The following NAA16 variants were observed in gnomAD, a reference collection of about 807,000 sequenced individuals.
The protein encoded by NAA16 is NARG1-like protein.
A neutral mutation model predicts 110.3 loss-of-function variants in NAA16; 97 were observed. The observed-to-expected ratio is 0.88, with a 90% confidence interval of 0.75 to 1.04. The LOEUF is 1.04. Ranked by LOEUF, NAA16 falls within the 50% of genes least tolerant of loss-of-function variation. NAA16 has a pLI of 0.00. For missense variants in NAA16, 1,017 were observed against 1,005.1 expected, an observed-to-expected ratio of 1.01 and a Z score of -0.16; for synonymous variants, 372 against 330.6, an observed-to-expected ratio of 1.13 and a Z score of -1.36.
chr13:41,313,024 TATC>T (rs1168301652), intron 1 of NAA16, among the ~76,000 whole-genome samples: 1 of 152,150 alleles, frequency 6.6e-6, no homozygotes, highest in Non-Finnish European at 1.5e-5. Flanking sequence ...TTAATGATAA[TATC>T]ATTTATAAAT....
At chr13:41,351,782 C>A (rs1445908992) in intron 9 of NAA16, among the ~76,000 whole-genome samples, 3 of 151,670 alleles carry the variant, frequency 2.0e-5, no homozygotes, top group Non-Finnish European at 4.4e-5. Context: ...AAATGTGGGG[C>A]CATAAAATTT....
chr13:41,356,203 G>A (rs1318171709), intron 10 of NAA16, among the ~76,000 whole-genome samples: 1 of 152,048 alleles, frequency 6.6e-6, no homozygotes, highest in Non-Finnish European at 1.5e-5. Flanking sequence ...GTTTGGGGGA[G>A]GTTTCTAGAG....
At chr13:41,328,703 T>C (rs1198941820) in intron 6 of NAA16, 21 bp from the exon 7 acceptor site, 2 of 1,582,068 alleles carry the variant, frequency 1.3e-6, no homozygotes, top group Admixed American at 1.7e-5. Context: ...AAAATGAATA[T>C]GTCTTTAAAC....
intron 15 of NAA16, among the ~76,000 whole-genome samples, chr13:41,371,177 C>T (rs1369200212): frequency 6.6e-6 from 1 of 152,176 alleles, no homozygotes; most frequent in Admixed American, 6.6e-5. Flanking sequence ...ATGAGTGCTT[C>T]CAAACCATTG....
intron 8 of NAA16, among the ~76,000 whole-genome samples, chr13:41,335,638 A>T (rs1217632754): frequency 6.6e-6 from 1 of 152,176 alleles, no homozygotes; most frequent in Non-Finnish European, 1.5e-5. Context: ...GAGATTAGAG[A>T]TTATCTGAAT....
intron 1 of NAA16, among the ~76,000 whole-genome samples, chr13:41,312,611 G>A (rs1419342892): frequency 6.6e-6 from 1 of 152,150 alleles, no homozygotes; most frequent in Non-Finnish European, 1.5e-5. Flanking sequence ...TGAATTTATT[G>A]AAAGCTGGGT....
At chr13:41,354,054 A>AT (rs1017118972) in intron 9 of NAA16, among the ~76,000 whole-genome samples, 3 of 152,172 alleles carry the variant, frequency 2.0e-5, no homozygotes, top group African/African-American at 7.2e-5. Context: ...GTATGTGTAA[A>AT]TTTTTTTCAC....
intron 9 of NAA16, among the ~76,000 whole-genome samples, chr13:41,338,290 C>G (rs2042437215): frequency 6.6e-6 from 1 of 152,182 alleles, no homozygotes; most frequent in African/African-American, 2.4e-5. Context: ...TTCTCTTAAG[C>G]TATCACGGGG....
At position 41,349,100 on chromosome 13, in the gene NAA16, CTATT is replaced by C. The variant is rs572638882; in HGVS notation, c.1015-6042_1015-6039del. ...TTTTGGGTTTGTTGACTTTCCTCCT[CTATT>C]TCATTAATTTTCACTTTATTGTGTC... On this transcript the variant is annotated intron_variant, in intron 9 of 19. Transcript: ENST00000379406. Among the ~76,000 whole-genome samples the C allele has an allele frequency of 1.3e-3, 193 of 152,202 alleles. 1 individual carries two copies. The highest frequency in any genetic ancestry group is 4.4e-3 in the African/African-American group (183 of 41,542).
chr13:41,341,532 A>G (rs543510191), intron 9 of NAA16, among the ~76,000 whole-genome samples: 378 of 151,862 alleles, frequency 2.5e-3, no homozygotes, highest in Non-Finnish European at 4.3e-3. Context: ...GCCTGGCAAC[A>G]TAACAGGACT....
chr13:41,341,082 C>T (rs769371998), intron 9 of NAA16, among the ~76,000 whole-genome samples: 2 of 151,992 alleles, frequency 1.3e-5, no homozygotes, highest in Non-Finnish European at 2.9e-5. Flanking sequence ...TCCAGTTATG[C>T]GGTCAATTTT....
chr13:41,371,469 C>T (rs1187264909), intron 15 of NAA16, among the ~76,000 whole-genome samples: 1 of 152,166 alleles, frequency 6.6e-6, no homozygotes, highest in Non-Finnish European at 1.5e-5. Flanking sequence ...TCACCCCTGC[C>T]ATCCTTGAGG....
chr13:41,325,780 A>C lies in NAA16; in HGVS notation c.620A>C (p.Gln207Pro). ...NQVMREADLL[Q>P]ESLEHIEMYE... Reference sequence around the variant, plus strand: ...GTGATGAGAGAGGCAGATCTGTTGCAGGAATCTTTGGAACATATAGAAATG... The same window carrying C: ...GTGATGAGAGAGGCAGATCTGTTGCCGGAATCTTTGGAACATATAGAAATG... Residue 207 changes from glutamine (Q) to proline (P), a missense_variant, in exon 6 of 20, where the codon CAG becomes CCG. Transcript: ENST00000379406. 6.2e-7 allele frequency: 1 copy of C among 1,608,486 alleles called. No individual in the cohort carries two copies. Among genetic ancestry groups the C allele is most frequent in the South Asian group, 1.1e-5 (1 of 90,684 alleles).
Position 41,311,478 on chromosome 13 carries a change from G to C in NAA16, c.-51G>C. The C allele has an allele frequency of 6.5e-7, 1 of 1,548,432 alleles. No homozygotes were observed. The highest frequency in any genetic ancestry group is 8.8e-7 in the Non-Finnish European group (1 of 1,142,840). Reference sequence around the variant, plus strand: ...GGTGCCCACCCCCGCGAAGCGGAGCGCCCGGGCACCTAGCCTCCCTGCCGG... The same window carrying C: ...GGTGCCCACCCCCGCGAAGCGGAGCCCCCGGGCACCTAGCCTCCCTGCCGG... On this transcript the variant is annotated 5_prime_UTR_variant, in exon 1 of 20. Coordinates refer to ENST00000379406, the MANE Select transcript of NAA16 (RefSeq NM_024561.5).
chr13:41,346,845 G>T (rs2042693824), intron 9 of NAA16, among the ~76,000 whole-genome samples: 1 of 152,108 alleles, frequency 6.6e-6, no homozygotes, highest in Non-Finnish European at 1.5e-5. Context: ...TTAAACATCA[G>T]TATACAAGAA....
At chr13:41,335,557 G>A (rs1189713835) in intron 8 of NAA16, among the ~76,000 whole-genome samples, 1 of 152,128 alleles carries the variant, frequency 6.6e-6, no homozygotes, top group East Asian at 1.9e-4. Context: ...TTTAACCCAG[G>A]ATGAAGTTTT....
chr13:41,321,529 G>A (rs750068311), intron 4 of NAA16, among the ~76,000 whole-genome samples: 2 of 152,058 alleles, frequency 1.3e-5, no homozygotes, highest in Non-Finnish European at 2.9e-5. Context: ...GATTATTTGT[G>A]GGTTTGATAT....
rs779364030 is a variant in NAA16 at position 41,336,716 on chromosome 13, T to C, written c.974T>C (p.Leu325Ser). Reference sequence around the variant, plus strand: ...AACTTCAGTAAAGGCTGCCCACCCTTGTTTACTACTTTGAAATCTTTATAT... The same window carrying C: ...AACTTCAGTAAAGGCTGCCCACCCTCGTTTACTACTTTGAAATCTTTATAT... ...RVNFSKGCPPLFTTLKSLYYN... is the reference protein window; with the variant it reads ...RVNFSKGCPPSFTTLKSLYYN... Residue 325 changes from leucine to serine, a missense_variant, in exon 9 of 20, where the codon TTG becomes TCG. By Grantham distance (145) the Leu-to-Ser change is moderately radical (BLOSUM62 -2). Coordinates refer to ENST00000379406, the MANE Select transcript of NAA16 (RefSeq NM_024561.5). The C allele has an allele frequency of 5.0e-6, 8 of 1,608,844 alleles. No homozygotes were observed. In the Admixed American group the frequency reaches 1.3e-4, roughly 27 times the overall value.
In NAA16 at chr13:41,374,769, A is replaced by C; in HGVS notation, c.2327A>C (p.Lys776Thr). 6.2e-7 allele frequency: 1 copy of C among 1,612,770 alleles called. No homozygotes were observed. Among genetic ancestry groups the C allele is most frequent in the Non-Finnish European group, 8.5e-7 (1 of 1,179,146 alleles). The change falls in exon 19 of 20, where the codon AAG becomes ACG. Residue 776 changes from lysine (K) to threonine (T), a missense_variant. Lys to Thr is a moderately conservative substitution (Grantham distance 78, BLOSUM62 -1). Coordinates refer to ENST00000379406, the MANE Select transcript of NAA16 (RefSeq NM_024561.5). ...SGAKMMYFLD[K>T]SRQEKAIAIA... is the part of the protein sequence containing the mutation. Reference sequence around the variant, plus strand: ...GCTAAAATGATGTATTTTCTGGACAAGTCAAGGCAGGAGAAAGCAATTGCT... The same window carrying C: ...GCTAAAATGATGTATTTTCTGGACACGTCAAGGCAGGAGAAAGCAATTGCT...
Sources: allele counts gnomAD v4.1 joint callset (sites outside exome capture counted in the v4.1 genomes callset), GRCh38; gene constraint gnomAD v4.1.1; transcripts MANE v1.5; gene names NCBI Gene and HGNC (gene_info 2026-07-23, HGNC 2026-07-21).